POGLUT2: variants seen among roughly 807,000 people sequenced by gnomAD.
POGLUT2 encodes the protein protein O-glucosyltransferase 2, also known as ER protein 58.
Under a neutral mutation model 57.6 loss-of-function variants are expected in POGLUT2, and 47 were observed. The observed-to-expected ratio is 0.82, with a 90% confidence interval of 0.65 to 1.04. The LOEUF is 1.04. POGLUT2 is among the 50% of genes least tolerant of loss of function. The pLI, the probability that POGLUT2 is intolerant of heterozygous loss-of-function variation, is 0.00. For missense variants in POGLUT2, 565 were observed against 614.8 expected (o/e 0.92, Z 0.86); for synonymous variants, 200 against 218.8 (o/e 0.91, Z 0.76).
Position 102,793,786 on chromosome 13 carries a change from A to T in POGLUT2, c.409T>A (p.Cys137Ser). The T allele has an allele frequency of 6.2e-7, 1 of 1,614,168 alleles. No individual in the cohort carries two copies. Among genetic ancestry groups the T allele is most frequent in the Non-Finnish European group, 8.5e-7 (1 of 1,179,980 alleles). ...GCACTATCTTGCAGAGGACAGTCAC[A>T]GTTCTCATGGTAAACCGGCCCTATT... ...ILKGPVYHENCDCPLQDSAAW... is the reference protein window; with the variant it reads ...ILKGPVYHENSDCPLQDSAAW... The change falls in exon 3 of 10, where the codon TGT (cysteine) becomes AGT (serine). Residue 137 changes from cysteine (C) to serine (S), a missense_variant. Transcript: ENST00000376004.
intron 6 of POGLUT2, 96 bp downstream of exon 6, chr13:102,790,805 C>T (rs1211696622): frequency 1.2e-6 from 1 of 843,664 alleles, no homozygotes; most frequent in African/African-American, 1.7e-5. Context: ...ACTTCTCCCA[C>T]CTCTTGAAAT....
intron 6 of POGLUT2, among the ~76,000 whole-genome samples, chr13:102,790,102 T>C (rs1057112712): frequency 2.6e-5 from 4 of 152,190 alleles, no homozygotes; most frequent in Non-Finnish European, 5.9e-5. Flanking sequence ...TCACTTTGGT[T>C]ATAATCATTT....
Position 102,798,781 on chromosome 13 carries a change from G to C in POGLUT2, c.-111C>G. ...CCGCCGGCCGATCGCAGCAGCCAAC[G>C]CGACTGCAAAGGTTGCCGCCCGGCG... On this transcript the variant is annotated 5_prime_UTR_variant, in exon 1 of 10. Transcript: ENST00000376004. 8.6e-7 allele frequency: 1 copy of C among 1,162,956 alleles called. No individual in the cohort carries two copies. The highest frequency in any genetic ancestry group is 1.2e-6 in the Non-Finnish European group (1 of 852,506). The allele number at this position is 1,162,956 out of a possible 1,614,324, so 72.0% of individuals were successfully genotyped here.
chr13:102,796,424 C>A (rs9518839), intron 2 of POGLUT2, among the ~76,000 whole-genome samples: 2 of 151,088 alleles, frequency 1.3e-5, no homozygotes, highest in Non-Finnish European at 3.0e-5. Context: ...AGCTATCTCC[C>A]TTCCTGAAGT....
chr13:102,795,095 T>C (rs1390425815), intron 2 of POGLUT2, among the ~76,000 whole-genome samples: 2 of 150,218 alleles, frequency 1.3e-5, no homozygotes, highest in African/African-American at 2.5e-5. Context: ...CTACTAAAAA[T>C]ACAAAAATTA....
chr13:102,789,010 A>G lies in POGLUT2; in HGVS notation c.1293+2T>C, dbSNP rs1347500483. 2 of 1,611,786 alleles carry G rather than the reference A, an allele frequency of 1.2e-6. No individual in the cohort carries two copies. Among genetic ancestry groups the G allele is most frequent in the African/African-American group, 1.3e-5 (1 of 74,862 alleles). ...ATAAGCCTTCAAGGGGACTAACCTTACCTCTTCATCGTGATCTTTCGCCCA... is the reference window on the plus strand; with the variant it reads ...ATAAGCCTTCAAGGGGACTAACCTTGCCTCTTCATCGTGATCTTTCGCCCA... On this transcript the variant is annotated splice_donor_variant, in intron 7 of 9. Transcript: ENST00000376004. LOFTEE classifies it high-confidence loss of function.
chr13:102,789,306 T>G, intron 6 of POGLUT2, 85 bp from the exon 7 acceptor site: 1 of 1,135,208 alleles, frequency 8.8e-7, no homozygotes, highest in Non-Finnish European at 1.3e-6. Flanking sequence ...CACATAAACC[T>G]TTGCAATCCT....
In POGLUT2 at chr13:102,791,112, T is replaced by A; in HGVS notation, c.872A>T (p.Gln291Leu). The A allele has an allele frequency of 6.2e-7, 1 of 1,614,118 alleles. No individual in the cohort carries two copies. The highest frequency in any genetic ancestry group is 8.5e-7 in the Non-Finnish European group (1 of 1,179,972). The change falls in exon 6 of 10, where the codon CAA becomes CTA. Residue 291 changes from glutamine (Q) to leucine (L), a missense_variant. Transcript: ENST00000376004. ...GRVSLDMMSV[Q>L]ANTGPPWESK... Reference sequence around the variant, plus strand: ...TTCCCAGGGAGGACCCGTGTTAGCTTGCACGGACATCATATCCAGACTTAC... The same window carrying A: ...TTCCCAGGGAGGACCCGTGTTAGCTAGCACGGACATCATATCCAGACTTAC...
At chr13:102,789,978 A>G (rs933134018) in intron 6 of POGLUT2, among the ~76,000 whole-genome samples, 3 of 152,252 alleles carry the variant, frequency 2.0e-5, no homozygotes, top group Non-Finnish European at 4.4e-5. Flanking sequence ...GAATAAAAAT[A>G]TTCATAGAAC....
intron 2 of POGLUT2, among the ~76,000 whole-genome samples, chr13:102,794,382 C>T (rs1386960175): frequency 6.6e-6 from 1 of 152,048 alleles, no homozygotes; most frequent in Non-Finnish European, 1.5e-5. Context: ...GAAATAGAGG[C>T]TGGGTGCAGT....
Position 102,793,393 on chromosome 13 carries a change from T to G in POGLUT2, c.620A>C (p.His207Pro), listed in dbSNP as rs753011295. 1.4e-5 allele frequency: 22 copies of G among 1,593,696 alleles called. No homozygotes were observed. Among genetic ancestry groups the G allele is most frequent in the South Asian group, 8.8e-5 (8 of 90,582 alleles). The change falls in exon 4 of 10, where the codon CAT becomes CCT. Residue 207 changes from histidine (H) to proline (P), a missense_variant. Physicochemically the swap from His to Pro is moderately conservative, Grantham distance 77. Coordinates refer to ENST00000376004, the MANE Select transcript of POGLUT2 (RefSeq NM_024089.3). ...NKVYIKTHGE[H>P]VGFRIFMDAI... ...ATCCATGAAAATTCTAAAACCTACA[T>G]GTTCACCATGAGTCTTGATATAAAC...
In POGLUT2 at chr13:102,791,018, G is replaced by T; in HGVS notation, c.966C>A (p.Leu322=). ...CTATGAGTTCTGGGTGTTTTCTACT[G>T]AGTTTAACCAGCTCGAGTCTCTCTT... ...SRKERLELVK[L]SRKHPELIDA... The change falls in exon 6 of 10, where the codon CTC becomes CTA. Residue 322 remains leucine (L), a synonymous_variant. Coordinates refer to ENST00000376004, the MANE Select transcript of POGLUT2 (RefSeq NM_024089.3). 6.2e-7 allele frequency: 1 copy of T among 1,614,140 alleles called. No individual in the cohort carries two copies. The highest frequency in any genetic ancestry group is 8.5e-7 in the Non-Finnish European group (1 of 1,179,986).
Position 102,789,190 on chromosome 13 carries a change from A to T in POGLUT2, c.1115T>A (p.Val372Glu). The T allele has an allele frequency of 1.2e-6, 2 of 1,614,146 alleles. No individual in the cohort carries two copies. Among genetic ancestry groups the T allele is most frequent in the Non-Finnish European group, 1.7e-6 (2 of 1,179,988 alleles). ...HKYQINIDGT[V>E]AAYRLPYLLV... ...CAAATATGGCAGGCGATAAGCTGCTACAGTGCCATCGATATTTATTTGATA... is the reference window on the plus strand; with the variant it reads ...CAAATATGGCAGGCGATAAGCTGCTTCAGTGCCATCGATATTTATTTGATA... The change falls in exon 7 of 10, where the codon GTA becomes GAA. Residue 372 changes from valine (V) to glutamate (E), a missense_variant. Coordinates refer to ENST00000376004, the MANE Select transcript of POGLUT2 (RefSeq NM_024089.3).
chr13:102,785,455 CA>C lies in POGLUT2; in HGVS notation c.1491+776del, dbSNP rs1182451350. On this transcript the variant is annotated intron_variant, in intron 9 of 9. Transcript: ENST00000376004. ...AAATGTTAAGTCAGCATATGTTACA[CA>C]CACACACACACACACACACACACAC... Among the ~76,000 whole-genome samples the C allele has an allele frequency of 8.2e-4, 7 of 8,568 alleles. No homozygotes were observed. In the Non-Finnish European group the frequency reaches 0.061, roughly 75 times the overall value. The allele number at this position is 8,568 out of a possible 152,430, so 5.6% of individuals were successfully genotyped here. A position where few individuals can be genotyped will look rare whatever the true frequency, so the allele number is the denominator to read the frequency against.
At chr13:102,797,098 TCTC>T in intron 1 of POGLUT2, 89 bp from the exon 2 acceptor site, 2 of 828,076 alleles carry the variant, frequency 2.4e-6, no homozygotes, top group East Asian at 2.5e-5. Context: ...ACTTGATTAT[TCTC>T]CTCCACATTC....
intron 2 of POGLUT2, among the ~76,000 whole-genome samples, chr13:102,794,766 G>A (rs1471928998): frequency 5.9e-5 from 9 of 152,122 alleles, no homozygotes; most frequent in Middle Eastern, 3.4e-3. Context: ...ACCAAATACT[G>A]GTAAAAGGGT....
chr13:102,785,056 A>G (rs1336314751), intron 9 of POGLUT2, among the ~76,000 whole-genome samples: 2 of 152,180 alleles, frequency 1.3e-5, no homozygotes, highest in Non-Finnish European at 2.9e-5. Context: ...TGGAGCACTG[A>G]CAGAGTTCAC....
intron 6 of POGLUT2, among the ~76,000 whole-genome samples, chr13:102,789,890 G>A (rs1482652587): frequency 6.6e-6 from 1 of 152,186 alleles, no homozygotes; most frequent in East Asian, 1.9e-4. Context: ...GAGCCATCAC[G>A]CCTGGCTAAC....
At chr13:102,788,941 C>T (rs1878060255) in intron 7 of POGLUT2, 71 bp downstream of exon 7, 6 of 1,287,180 alleles carry the variant, frequency 4.7e-6, no homozygotes, top group African/African-American at 1.5e-5. Context: ...TCTCCAGGTA[C>T]AATACATTTC....
Sources: allele counts gnomAD v4.1 joint callset (sites outside exome capture counted in the v4.1 genomes callset), GRCh38; gene constraint gnomAD v4.1.1; transcripts MANE v1.5; gene names NCBI Gene and HGNC (gene_info 2026-07-23, HGNC 2026-07-21).